The following AIDA variants were observed in gnomAD, a reference collection of about 807,000 sequenced individuals.
The protein encoded by AIDA is axin interactor, dorsalization associated.
AIDA carries 18 observed loss-of-function variants against 42.7 expected under a neutral mutation model. That is an observed-to-expected ratio of 0.42 (90% CI 0.29 to 0.63). AIDA has a LOEUF of 0.63. AIDA is among the 20% of genes least tolerant of loss of function. The probability of loss-of-function intolerance (pLI) is 0.19; values close to 1 mark genes in which losing one functional copy is unlikely to be tolerated. For synonymous variants in AIDA, 104 were observed against 122.9 expected (o/e 0.85, Z 1.02); for missense variants, 250 against 354.1 (o/e 0.71, Z 2.36).
intron 1 of AIDA, among the ~76,000 whole-genome samples, chr1:222,703,744 C>T (rs1558216222): frequency 1.3e-5 from 2 of 152,222 alleles, no homozygotes; most frequent in Middle Eastern, 3.4e-3. Context: ...GCAAATTCTC[C>T]ACCAATCAGC....
At chr1:222,696,663 T>A (rs1300111147) in intron 2 of AIDA, among the ~76,000 whole-genome samples, 1 of 152,248 alleles carries the variant, frequency 6.6e-6, no homozygotes, top group Non-Finnish European at 1.5e-5. Context: ...GCAATATATA[T>A]AATAAAGCAA....
At chr1:222,694,069 C>A in intron 3 of AIDA, 141 bp downstream of exon 3, 1 of 881,968 alleles carries the variant, frequency 1.1e-6, no homozygotes, top group South Asian at 2.1e-5. Flanking sequence ...GAAATATGAA[C>A]TAAAAAAGTA....
chr1:222,693,368 A>C (rs1312032023), intron 4 of AIDA, among the ~76,000 whole-genome samples: 1 of 152,170 alleles, frequency 6.6e-6, no homozygotes, highest in African/African-American at 2.4e-5. Context: ...AAGAGTTTTA[A>C]GGAGAAAGGA....
rs1656108537 is a variant in AIDA at position 222,712,377 on chromosome 1, C to T, written c.-60G>A. 6.7e-7 allele frequency: 1 copy of T among 1,493,554 alleles called. No homozygotes were observed. The highest frequency in any genetic ancestry group is 1.4e-5 in the African/African-American group (1 of 71,634). 92.5% of individuals were successfully genotyped at this position (1,493,554 alleles called of 1,614,324 possible). A position where few individuals can be genotyped will look rare whatever the true frequency, so the allele number is the denominator to read the frequency against. The stretch of plus-strand genomic sequence containing the variant: ...CCCAGCAAGGCCGGGTTCTAGGGCG[C>T]CATCCTCCCCCGGCCTGGCCCCGAC... On this transcript the variant is annotated 5_prime_UTR_variant, in exon 1 of 10. Transcript: ENST00000340020.
chr1:222,699,929 G>A (rs373549151), intron 2 of AIDA, among the ~76,000 whole-genome samples: 269 of 152,074 alleles, frequency 1.8e-3, no homozygotes, highest in African/African-American at 6.2e-3. Flanking sequence ...CCGCCACCAC[G>A]CTGGCTAATT....
rs1162495576 is a variant in AIDA, at chr1:222,703,115, A to T, written c.180+33T>A. 2.6e-6 allele frequency: 4 copies of T among 1,525,332 alleles called. No individual in the cohort carries two copies. The South Asian group carries it at 3.7e-5, about 14-fold the overall frequency. The allele number at this position is 1,525,332 out of a possible 1,614,324, so 94.5% of individuals were successfully genotyped here. ...AAAAGACAAAACACTTTTTGTTTGG[A>T]ATCTGATATATCTAGAGATTATTTT... On this transcript the variant is annotated intron_variant, in intron 2 of 9. Coordinates refer to ENST00000340020, the MANE Select transcript of AIDA (RefSeq NM_022831.4).
At chr1:222,680,023 G>C (rs1306605941) in intron 6 of AIDA, among the ~76,000 whole-genome samples, 1 of 152,198 alleles carries the variant, frequency 6.6e-6, no homozygotes, top group Non-Finnish European at 1.5e-5. Flanking sequence ...ACGCAAAAGA[G>C]TGATTTCTAT....
chr1:222,689,446 T>C (rs1226414460), intron 4 of AIDA, among the ~76,000 whole-genome samples: 2 of 139,926 alleles, frequency 1.4e-5, no homozygotes, highest in Non-Finnish European at 3.1e-5. Context: ...TCAAAAGCTG[T>C]CTCAAGAAAA....
chr1:222,703,106 T>C, intron 2 of AIDA, 42 bp downstream of exon 2: 6 of 1,503,664 alleles, frequency 4.0e-6, no homozygotes, highest in Admixed American at 4.4e-5. Flanking sequence ...CAAAACACTT[T>C]TTGTTTGGAA....
At position 222,676,304 on chromosome 1, in the gene AIDA, G is replaced by A; in HGVS notation, c.461-86C>T. ...ACACAGAGAAGATACAGCCTTGCTT[G>A]TAACTGACTTAGTAACTAGCCAGGC... On this transcript the variant is annotated intron_variant, in intron 6 of 9. Coordinates refer to ENST00000340020, the MANE Select transcript of AIDA (RefSeq NM_022831.4). 3.6e-6 allele frequency: 5 copies of A among 1,406,976 alleles called. No homozygotes were observed. The South Asian group carries it at 5.0e-5, about 14-fold the overall frequency. 87.2% of individuals were successfully genotyped at this position (1,406,976 alleles called of 1,614,324 possible). A position where few individuals can be genotyped will look rare whatever the true frequency, so the allele number is the denominator to read the frequency against.
intron 3 of AIDA, 112 bp from the exon 4 acceptor site, chr1:222,693,955 G>T: frequency 9.8e-7 from 1 of 1,024,132 alleles, no homozygotes; most frequent in Non-Finnish European, 1.4e-6. Flanking sequence ...TTGCTTTCAA[G>T]GTAGAAAATG....
intron 2 of AIDA, among the ~76,000 whole-genome samples, chr1:222,699,644 T>C (rs1044627276): frequency 1.2e-4 from 18 of 152,226 alleles, no homozygotes; most frequent in Non-Finnish European, 2.4e-4. Context: ...AGATCTGTTT[T>C]CTAATCATTT....
chr1:222,693,252 T>C (rs1436796517), intron 4 of AIDA, among the ~76,000 whole-genome samples: 25 of 152,206 alleles, frequency 1.6e-4, no homozygotes, highest in Non-Finnish European at 2.2e-4. Context: ...TATTCAACTC[T>C]TGTGCATTTG....
At chr1:222,681,481 T>C (rs905328828) in intron 6 of AIDA, among the ~76,000 whole-genome samples, 5 of 152,224 alleles carry the variant, frequency 3.3e-5, no homozygotes, top group Middle Eastern at 6.8e-3. Flanking sequence ...CTGGCCAACA[T>C]GGTGAAACTC....
In AIDA at chr1:222,709,682, GA is replaced by G. The variant is rs201552954; in HGVS notation, c.110+2525del. On this transcript the variant is annotated intron_variant, in intron 1 of 9. Transcript: ENST00000340020. ...AGATAATGGGGGGAAAAGTGCCCCA[GA>G]AAAAAAATACGAGAGCCCTAAGGCA... Among the ~76,000 whole-genome samples, 252 of 151,802 alleles carry G rather than the reference GA, an allele frequency of 1.7e-3. 1 individual carries two copies. The highest frequency in any genetic ancestry group is 5.5e-3 in the African/African-American group (228 of 41,436).
intron 1 of AIDA, chr1:222,711,273 T>C (rs1022635447): frequency 2.6e-5 from 4 of 152,198 alleles, no homozygotes; most frequent in African/African-American, 9.7e-5. Context: ...GTTTTATGTG[T>C]ATATAAATCT....
Position 222,670,210 on chromosome 1 carries a change from T to A in AIDA, c.747A>T (p.Lys249Asn). 1.9e-6 allele frequency: 3 copies of A among 1,614,136 alleles called. No individual in the cohort carries two copies. The highest frequency in any genetic ancestry group is 2.5e-6 in the Non-Finnish European group (3 of 1,180,000). Residue 249 changes from lysine to asparagine, a missense_variant, in exon 9 of 10, where the codon AAA becomes AAT. Around this residue, in one of 4 missense-constraint regions of AIDA, gnomAD observed 35 missense variants for 75.9 expected, o/e 0.46. Coordinates refer to ENST00000340020, the MANE Select transcript of AIDA (RefSeq NM_022831.4). Reference protein sequence around the residue: ...IFFEFKHYKPKKRFTSTKCFA... With the variant: ...IFFEFKHYKPNKRFTSTKCFA... The stretch of plus-strand genomic sequence containing the variant: ...AACACTTGGTGCTGGTAAACCTTTT[T>A]TTAGGCTTGTAGTGTTTGAATTCAA...
At chr1:222,711,903 G>A (rs1656065679) in intron 1 of AIDA, 6 of 302,906 alleles carry the variant, frequency 2.0e-5, no homozygotes, top group South Asian at 3.9e-5. Context: ...CCCGCGAGAC[G>A]GTGGAAAGGA....
At chr1:222,673,049 G>A (rs1357599904) in intron 8 of AIDA, among the ~76,000 whole-genome samples, 1 of 152,166 alleles carries the variant, frequency 6.6e-6, no homozygotes, top group Non-Finnish European at 1.5e-5. Context: ...CCTTTAGTGT[G>A]TGAAAAACTT....
Sources: allele counts gnomAD v4.1 joint callset (sites outside exome capture counted in the v4.1 genomes callset), GRCh38; gene constraint gnomAD v4.1.1; regional missense constraint gnomAD v4.1.1; transcripts MANE v1.5; gene names NCBI Gene and HGNC (gene_info 2026-07-23, HGNC 2026-07-21).